Variants in NCOA6 observed in about 807,000 individuals in gnomAD.
NCOA6 encodes NRC RAP250.
In NCOA6, 49 loss-of-function variants were observed where a neutral mutation model predicts 171.4. The ratio of observed to expected loss-of-function variants is 0.29; its 90% CI spans 0.23 to 0.36. NCOA6 has a LOEUF of 0.36. Among genes scored for constraint, NCOA6 ranks in the 10% least tolerant of loss-of-function variants. The pLI, the probability that NCOA6 is intolerant of heterozygous loss-of-function variation, is 1.00. For missense variants in NCOA6, 2,248 were observed against 2,554.5 expected (o/e 0.88, Z 2.59); for synonymous variants, 910 against 927.5 (o/e 0.98, Z 0.34).
intron 1 of NCOA6, among the ~76,000 whole-genome samples, chr20:34,810,530 C>A (rs963310532): frequency 1.9e-4 from 29 of 152,036 alleles, no homozygotes; most frequent in African/African-American, 6.8e-4. Context: ...AAGCCTAACG[C>A]CCATGCAACC....
intron 8 of NCOA6, 27 bp downstream of exon 8, chr20:34,754,695 T>C (rs372885689): frequency 1.7e-5 from 27 of 1,613,814 alleles, no homozygotes; most frequent in South Asian, 7.7e-5. Flanking sequence ...CAATAAATGC[T>C]GGCTAAACAA....
intron 12 of NCOA6, among the ~76,000 whole-genome samples, chr20:34,736,151 A>G (rs1600781991): frequency 6.6e-6 from 1 of 152,186 alleles, no homozygotes; most frequent in East Asian, 1.9e-4. Flanking sequence ...CAGAAATATC[A>G]TCCCTTGTGC....
chr20:34,716,412 T>C (rs2146865721), intron 14 of NCOA6, among the ~76,000 whole-genome samples: 1 of 152,278 alleles, frequency 6.6e-6, no homozygotes, highest in South Asian at 2.1e-4. Flanking sequence ...TCTTGTACTA[T>C]CAGTGTTTTA....
Position 34,749,648 on chromosome 20 carries a change from A to G in NCOA6, c.2547T>C (p.His849=). Residue 849 remains histidine, a synonymous_variant, in exon 9 of 15, where the codon CAT becomes CAC. Transcript: ENST00000359003. ...TGAAAGGTGCATTGAAAGACATCCC[A>G]TGGCCTGAGAAGTGGTTTCCCGAGG... ...NSASGNHFSG[H]GMSFNAPFSG... 2.2e-5 allele frequency: 36 copies of G among 1,614,218 alleles called. No homozygotes were observed. The highest frequency in any genetic ancestry group is 3.1e-5 in the Non-Finnish European group (36 of 1,180,040).
intron 3 of NCOA6, 54 bp from the exon 4 acceptor site, chr20:34,776,502 G>A: frequency 6.3e-7 from 1 of 1,590,664 alleles, no homozygotes; most frequent in Non-Finnish European, 8.6e-7. Context: ...CACCAGAGGA[G>A]ATGGAATTAA....
At chr20:34,728,778 T>C (rs1016930853) in intron 13 of NCOA6, among the ~76,000 whole-genome samples, 1 of 152,196 alleles carries the variant, frequency 6.6e-6, no homozygotes. Flanking sequence ...TATGGAGTCA[T>C]GAAAAATCAT....
At position 34,743,212 on chromosome 20, in the gene NCOA6, GGCT is replaced by G. The variant is rs1477750320; in HGVS notation, c.3041_3043del (p.Gln1014del). The G allele has an allele frequency of 1.9e-6, 3 of 1,613,888 alleles. No homozygotes were observed. Among genetic ancestry groups the G allele is most frequent in the East Asian group, 2.2e-5 (1 of 44,884 alleles). On this transcript the variant is annotated inframe_deletion, in exon 11 of 15. Transcript: ENST00000359003. ...AGACTGTGGCTGACTGGGAGGTGGT[GGCT>G]GCTGCTGCTGAGGCAGTTGTGGCTG...
At chr20:34,756,222 G>A (rs554601626) in intron 7 of NCOA6, among the ~76,000 whole-genome samples, 2 of 152,192 alleles carry the variant, frequency 1.3e-5, no homozygotes, top group Non-Finnish European at 2.9e-5. Context: ...CCAGAACAGT[G>A]AAATTTGGAG....
intron 3 of NCOA6, 75 bp downstream of exon 3, chr20:34,782,046 A>G: frequency 2.8e-5 from 30 of 1,075,134 alleles, no homozygotes; most frequent in Non-Finnish European, 3.7e-5. Context: ...TTGTTTTGTA[A>G]AACTCAAGAT....
At position 34,768,460 on chromosome 20, in the gene NCOA6, T is replaced by C. The variant is rs1484362034; in HGVS notation, c.514+4A>G. ...ATGTCATACAATTGAGTGGGAGGTC[T>C]TACCTGGACCACTTGCCATAGGAAA... On this transcript the variant is annotated splice_donor_region_variant and intron_variant, in intron 5 of 14. Coordinates refer to ENST00000359003, the MANE Select transcript of NCOA6 (RefSeq NM_014071.5). 42 of 1,613,870 alleles carry C rather than the reference T, an allele frequency of 2.6e-5. No individual in the cohort carries two copies. Among genetic ancestry groups the C allele is most frequent in the Non-Finnish European group, 3.5e-5 (41 of 1,179,956 alleles).
intron 14 of NCOA6, among the ~76,000 whole-genome samples, chr20:34,725,610 A>T (rs1214576735): frequency 6.6e-6 from 1 of 152,226 alleles, no homozygotes; most frequent in African/African-American, 2.4e-5. Flanking sequence ...ATGGTAAATC[A>T]TTGAAGGGTT....
At chr20:34,751,376 C>CAAAAAAAAAAAAAAAAAAAA (rs35848122) in intron 8 of NCOA6, among the ~76,000 whole-genome samples, 33 of 68,224 alleles carry the variant, frequency 4.8e-4, no homozygotes, top group Admixed American at 6.6e-4. Flanking sequence ...GACTCCGTCT[C>CAAAAAAAAAAAAAAAAAAAA]AAAAAAAAAA....
chr20:34,761,498 A>C (rs898956263), intron 5 of NCOA6, among the ~76,000 whole-genome samples: 2 of 151,524 alleles, frequency 1.3e-5, no homozygotes, highest in Non-Finnish European at 2.9e-5. Flanking sequence ...CCACTGACTT[A>C]ACCTAACAGC....
chr20:34,725,487 C>T (rs1361350503), intron 14 of NCOA6, among the ~76,000 whole-genome samples: 3 of 152,146 alleles, frequency 2.0e-5, no homozygotes, highest in East Asian at 1.9e-4. Context: ...GGAATGAGGA[C>T]GGCATGTCCG....
At position 34,742,749 on chromosome 20, in the gene NCOA6, T is replaced by A; in HGVS notation, c.3507A>T (p.Gly1169=). 1 of 1,614,132 alleles carries A rather than the reference T, an allele frequency of 6.2e-7. No homozygotes were observed. The highest frequency in any genetic ancestry group is 8.5e-7 in the Non-Finnish European group (1 of 1,180,008). The change falls in exon 11 of 15, where the codon GGA becomes GGT. Residue 1169 remains glycine, a synonymous_variant. Coordinates refer to ENST00000359003, the MANE Select transcript of NCOA6 (RefSeq NM_014071.5). ...CTTGAGTTGCTGAAAGGGGCGATGGTCCAGGTTTTGGCCCTGTCATCATTA... is the reference window on the plus strand; with the variant it reads ...CTTGAGTTGCTGAAAGGGGCGATGGACCAGGTTTTGGCCCTGTCATCATTA... ...NQLMMTGPKP[G]PSPLSATQGA...
intron 11 of NCOA6, among the ~76,000 whole-genome samples, chr20:34,738,223 T>C (rs1434922100): frequency 6.6e-6 from 1 of 152,110 alleles, no homozygotes; most frequent in African/African-American, 2.4e-5. Context: ...ATTTTCAAAG[T>C]AAAAGCACAG....
chr20:34,752,824 A>C (rs1462700294), intron 8 of NCOA6, among the ~76,000 whole-genome samples: 4 of 151,544 alleles, frequency 2.6e-5, no homozygotes, highest in African/African-American at 9.7e-5. Context: ...CTGAAACAGA[A>C]AAACGCTTGA....
intron 5 of NCOA6, among the ~76,000 whole-genome samples, chr20:34,760,186 A>G (rs1263451323): frequency 6.6e-6 from 1 of 152,210 alleles, no homozygotes; most frequent in African/African-American, 2.4e-5. Flanking sequence ...CTAAGGCAGG[A>G]GGATCACTTG....
At chr20:34,787,777 CTG>C (rs2077730991) in intron 2 of NCOA6, among the ~76,000 whole-genome samples, 2 of 152,124 alleles carry the variant, frequency 1.3e-5, no homozygotes, top group African/African-American at 4.8e-5. Flanking sequence ...TGTTACAACT[CTG>C]TGACTGCTCC....
Sources: gnomAD v4.1 joint callset for allele counts (sites outside exome capture counted in the v4.1 genomes callset) on GRCh38, gnomAD v4.1.1 for gene constraint, MANE v1.5 for transcripts, NCBI Gene and HGNC (gene_info 2026-07-23, HGNC 2026-07-21) for gene names.